Variants in DKKL1 observed in about 807,000 individuals in gnomAD.
The protein encoded by DKKL1 is dickkopf like acrosomal protein 1.
Under a neutral mutation model 16.5 loss-of-function variants are expected in DKKL1, and 11 were observed. That is an observed-to-expected ratio of 0.67 (90% CI 0.42 to 1.10). The LOEUF (loss-of-function observed/expected upper bound fraction) is 1.10, where lower values mean the gene tolerates loss of function less well. DKKL1 is among the 50% of genes least tolerant of loss of function. The probability of loss-of-function intolerance (pLI) is 0.00; values close to 1 mark genes in which losing one functional copy is unlikely to be tolerated. For synonymous variants in DKKL1, 119 were observed against 133.2 expected (o/e 0.89, Z 0.73); for missense variants, 320 against 308.1 (o/e 1.04, Z -0.29).
rs919364 is a variant in DKKL1 at position 49,364,656 on chromosome 19, G to T, written c.85G>T (p.Ala29Ser). 6.2e-7 allele frequency: 1 copy of T among 1,613,734 alleles called. No individual in the cohort carries two copies. Reference protein sequence around the residue: ...LLLSTLVIPSAAAPIHDADAQ... With the variant: ...LLLSTLVIPSSAAPIHDADAQ... ...CCTCTCTACCCTGGTGATCCCCTCCGCTGCAGCTCCTATCCATGATGCTGA... is the reference window on the plus strand; with the variant it reads ...CCTCTCTACCCTGGTGATCCCCTCCTCTGCAGCTCCTATCCATGATGCTGA... The change falls in exon 2 of 5, where the codon GCT becomes TCT. Residue 29 changes from alanine (A) to serine (S), a missense_variant. By Grantham distance (99) the Ala-to-Ser change is moderately conservative. Coordinates refer to ENST00000221498, the MANE Select transcript of DKKL1 (RefSeq NM_014419.4).
At chr19:49,371,805 T>C (rs535931011) in intron 4 of DKKL1, among the ~76,000 whole-genome samples, 3 of 151,858 alleles carry the variant, frequency 2.0e-5, no homozygotes, top group African/African-American at 7.2e-5. Flanking sequence ...TGGTGTGTGA[T>C]GTTTCCCTTC....
intron 4 of DKKL1, 42 bp downstream of exon 4, chr19:49,365,927 T>C (rs1182127276): frequency 6.5e-7 from 1 of 1,550,290 alleles, no homozygotes; most frequent in Admixed American, 1.9e-5. Context: ...GGCCCAAACA[T>C]TTTCTTTTTT....
intron 4 of DKKL1, among the ~76,000 whole-genome samples, 153 bp from the exon 5 acceptor site, chr19:49,374,564 T>C (rs1973646220): frequency 6.6e-6 from 1 of 152,188 alleles, no homozygotes; most frequent in Non-Finnish European, 1.5e-5. Flanking sequence ...AATCCTTAAG[T>C]GTAAACCCAA....
chr19:49,373,446 T>C (rs1403326875), intron 4 of DKKL1, among the ~76,000 whole-genome samples: 2 of 152,138 alleles, frequency 1.3e-5, no homozygotes, highest in African/African-American at 4.8e-5. Flanking sequence ...AAAATATGAA[T>C]TTGGGGAGGA....
rs181488195 is a variant in DKKL1, at chr19:49,366,110, T to A, written c.417+225T>A. On this transcript the variant is annotated intron_variant, in intron 4 of 4. Transcript: ENST00000221498. Reference sequence around the variant, plus strand: ...GCCCGGCTAATTTTTTGTATTTTTTTAGTAGAGACAGGGTTTCTCCATGTT... The same window carrying A: ...GCCCGGCTAATTTTTTGTATTTTTTAAGTAGAGACAGGGTTTCTCCATGTT... Among the ~76,000 whole-genome samples the A allele has an allele frequency of 8.7e-3, 1,329 of 152,190 alleles. 24 individuals are homozygous for A. Among genetic ancestry groups the A allele is most frequent in the African/African-American group, 0.03 (1,247 of 41,534 alleles).
chr19:49,372,809 C>G (rs1973554125), intron 4 of DKKL1, among the ~76,000 whole-genome samples: 1 of 151,886 alleles, frequency 6.6e-6, no homozygotes, highest in African/African-American at 2.4e-5. Context: ...CGAGACCACC[C>G]TGACCAACAT....
intron 1 of DKKL1, among the ~76,000 whole-genome samples, chr19:49,364,257 G>A (rs376024112): frequency 1.3e-5 from 2 of 151,988 alleles, no homozygotes; most frequent in African/African-American, 4.8e-5. Flanking sequence ...GGGCTGAGGT[G>A]GGAGAATCAC....
chr19:49,366,203 T>C (rs1408553687), intron 4 of DKKL1, among the ~76,000 whole-genome samples: 2 of 152,166 alleles, frequency 1.3e-5, no homozygotes, highest in African/African-American at 4.8e-5. Context: ...AGTGCTGGGA[T>C]TACAGGCATG....
intron 4 of DKKL1, among the ~76,000 whole-genome samples, chr19:49,371,889 G>A (rs1600852914): frequency 1.3e-5 from 2 of 152,026 alleles, no homozygotes; most frequent in East Asian, 3.9e-4. Flanking sequence ...CTACTCTTGT[G>A]TTGGTTTGCT....
chr19:49,365,719 A>T, intron 3 of DKKL1, 70 bp downstream of exon 3: 1 of 1,599,334 alleles, frequency 6.3e-7, no homozygotes, highest in Non-Finnish European at 8.5e-7. Context: ...CTCGTGCTGC[A>T]GTATCTGTTG....
chr19:49,368,781 T>G (rs1973359523), intron 4 of DKKL1: 2 of 152,224 alleles, frequency 1.3e-5, no homozygotes, highest in African/African-American at 4.8e-5. Context: ...CCATATCTTA[T>G]GTAGTTGTTA....
chr19:49,363,575 T>C, upstream of DKKL1: 1 of 325,854 alleles, frequency 3.1e-6, no homozygotes, highest in Non-Finnish European at 6.0e-6. Flanking sequence ...CCATTGCGAT[T>C]GGGCGGGACT....
chr19:49,362,271 G>C (rs17272784), upstream of DKKL1: 28,922 of 152,354 alleles, frequency 0.19, 3,316 homozygotes, highest in Non-Finnish European at 0.25. Flanking sequence ...ACCATTCAGA[G>C]ACGGTCCCGC....
chr19:49,365,033 A>T (rs1019940547), intron 2 of DKKL1, among the ~76,000 whole-genome samples: 12 of 151,920 alleles, frequency 7.9e-5, no homozygotes, highest in Admixed American at 3.9e-4. Context: ...AGTTGCAGGT[A>T]CATGCGCCTA....
chr19:49,362,474 G>C (rs1018874224), upstream of DKKL1: 3 of 152,404 alleles, frequency 2.0e-5, no homozygotes, highest in South Asian at 2.1e-4. Context: ...CGGAGGGGGG[G>C]GCGGGCCCGG....
chr19:49,374,920 G>C lies in DKKL1; in HGVS notation c.621G>C (p.Gly207=). The part of the protein sequence containing the change: ...LQAIRDGLRK[G]THKDVLEEGT... ...CCATCCGGGATGGACTCCGCAAGGGGACCCACAAGGACGTCCTAGAAGAGG... is the reference window on the plus strand; with the variant it reads ...CCATCCGGGATGGACTCCGCAAGGGCACCCACAAGGACGTCCTAGAAGAGG... The change falls in exon 5 of 5, where the codon GGG becomes GGC. Residue 207 remains glycine, a synonymous_variant. Coordinates refer to ENST00000221498, the MANE Select transcript of DKKL1 (RefSeq NM_014419.4). The C allele has an allele frequency of 1.9e-6, 3 of 1,613,978 alleles. No homozygotes were observed. Among genetic ancestry groups the C allele is most frequent in the Non-Finnish European group, 2.5e-6 (3 of 1,179,952 alleles).
upstream of DKKL1, chr19:49,362,395 C>G (rs1490687144): frequency 6.6e-6 from 1 of 152,168 alleles, no homozygotes; most frequent in Admixed American, 6.6e-5. Context: ...GGCTGGGGAG[C>G]CGCGGGCGGG....
chr19:49,374,594 CAG>C, intron 4 of DKKL1, 121 bp from the exon 5 acceptor site: 1 of 846,808 alleles, frequency 1.2e-6, no homozygotes, highest in Non-Finnish European at 1.7e-6. Flanking sequence ...AAACCTCAAA[CAG>C]GGCTTTTGAA....
chr19:49,368,557 T>C (rs1192996912), intron 4 of DKKL1: 1 of 151,908 alleles, frequency 6.6e-6, no homozygotes, highest in East Asian at 1.9e-4. Context: ...AAACATACTT[T>C]ATTATTTTGG....
Sources: gnomAD v4.1 joint callset for allele counts (sites outside exome capture counted in the v4.1 genomes callset) on GRCh38, gnomAD v4.1.1 for gene constraint, MANE v1.5 for transcripts, NCBI Gene and HGNC (gene_info 2026-07-23, HGNC 2026-07-21) for gene names.